CNTN5: variants seen among roughly 807,000 people sequenced by gnomAD.
The protein encoded by CNTN5 is contactin 5.
CNTN5 carries 77 observed loss-of-function variants against 129.1 expected under a neutral mutation model. The ratio of observed to expected loss-of-function variants is 0.60; its 90% CI spans 0.50 to 0.72. The LOEUF is 0.72. CNTN5 is among the 30% of genes least tolerant of loss of function. The pLI is 0.00. For missense variants in CNTN5, 1,478 were observed against 1,328.8 expected, an observed-to-expected ratio of 1.11 and a Z score of -1.75; for synonymous variants, 509 against 465.6, an observed-to-expected ratio of 1.09 and a Z score of -1.20.
At chr11:99,842,843 T>C (rs887266740) in intron 4 of CNTN5, among the ~76,000 whole-genome samples, 1 of 152,214 alleles carries the variant, frequency 6.6e-6, no homozygotes, top group African/African-American at 2.4e-5. Context: ...TTCTTTTCCT[T>C]ATTGAATAAA....
At chr11:99,912,488 T>A (rs1278423476) in intron 6 of CNTN5, among the ~76,000 whole-genome samples, 2 of 151,958 alleles carry the variant, frequency 1.3e-5, no homozygotes, top group African/African-American at 2.4e-5. Flanking sequence ...CCTAACACAG[T>A]TTTTAATATA....
intron 1 of CNTN5, among the ~76,000 whole-genome samples, chr11:99,162,448 A>G (rs1267452491): frequency 1.3e-5 from 2 of 152,140 alleles, no homozygotes; most frequent in Non-Finnish European, 2.9e-5. Flanking sequence ...CTGACGGGAA[A>G]ATTCTGGGTC....
At position 99,956,997 on chromosome 11, in the gene CNTN5, C is replaced by T. The variant is rs201012221; in HGVS notation, c.865C>T (p.Leu289=). ...RVLSPPTPLT[L]RNDGVMGEYE... is the part of the protein sequence containing the mutation. ...CCTTAGTCCTCCAACGCCACTCACTCTGCGTAATGATGGTAAGTTGCTTGG... is the reference window on the plus strand; with the variant it reads ...CCTTAGTCCTCCAACGCCACTCACTTTGCGTAATGATGGTAAGTTGCTTGG... The change falls in exon 8 of 25, where the codon CTG becomes TTG. Residue 289 remains leucine, a synonymous_variant. Coordinates refer to ENST00000524871, the MANE Select transcript of CNTN5 (RefSeq NM_014361.4). 2.0e-5 allele frequency: 32 copies of T among 1,613,326 alleles called. No individual in the cohort carries two copies. Among genetic ancestry groups the T allele is most frequent in the Non-Finnish European group, 2.2e-5 (26 of 1,179,644 alleles).
chr11:99,903,636 C>A (rs1466117907), intron 6 of CNTN5, among the ~76,000 whole-genome samples: 1 of 152,170 alleles, frequency 6.6e-6, no homozygotes, highest in East Asian at 1.9e-4. Flanking sequence ...AGAAACATAG[C>A]AGAGGGAAAT....
At chr11:99,361,587 T>C (rs1374026424) in intron 2 of CNTN5, among the ~76,000 whole-genome samples, 2 of 152,156 alleles carry the variant, frequency 1.3e-5, no homozygotes, top group African/African-American at 4.8e-5. Context: ...CCACATCTTT[T>C]CAGACTTTTT....
chr11:99,422,939 A>G (rs11219851), intron 2 of CNTN5, among the ~76,000 whole-genome samples: 5,436 of 152,178 alleles, frequency 0.036, 318 homozygotes, highest in African/African-American at 0.12. Context: ...ATCTTCTCCT[A>G]ACCCAGAAAT....
chr11:99,361,850 T>C (rs1476722661), intron 2 of CNTN5, among the ~76,000 whole-genome samples: 1 of 152,120 alleles, frequency 6.6e-6, no homozygotes, highest in East Asian at 1.9e-4. Context: ...TAATATTCCA[T>C]TGTATGTATA....
intron 3 of CNTN5, among the ~76,000 whole-genome samples, chr11:99,753,247 C>T (rs1330097323): frequency 6.6e-6 from 1 of 150,964 alleles, no homozygotes; most frequent in East Asian, 2.0e-4. Flanking sequence ...CTCAGCCTCC[C>T]GAGTAGCTGG....
intron 9 of CNTN5, among the ~76,000 whole-genome samples, chr11:100,026,538 C>T (rs1010778622): frequency 6.6e-6 from 1 of 152,136 alleles, no homozygotes; most frequent in African/African-American, 2.4e-5. Flanking sequence ...CTATTCCTTG[C>T]CAGCATTTGG....
intron 2 of CNTN5, among the ~76,000 whole-genome samples, chr11:99,428,559 C>CAAAA (rs60754666): frequency 1.7e-5 from 1 of 57,318 alleles, no homozygotes; most frequent in Admixed American, 1.7e-4. Context: ...GACCCTGTCT[C>CAAAA]AAAAAAAAAA....
Position 99,308,579 on chromosome 11 carries a change from C to A in CNTN5, c.-209-16767C>A, listed in dbSNP as rs1337080750. 1.3e-5 allele frequency among the ~76,000 whole-genome samples: 2 copies of A among 151,958 alleles called. 1 individual carries two copies. The highest frequency in any genetic ancestry group is 4.1e-4 in the South Asian group (2 of 4,826). ...AACTGGAAAAGAAAATATTAAAATA[C>A]CAAGAGAAAACATACTAAGAACACA... On this transcript the variant is annotated intron_variant, in intron 1 of 24. Coordinates refer to ENST00000524871, the MANE Select transcript of CNTN5 (RefSeq NM_014361.4).
rs1565258700 is a variant in CNTN5 at position 99,523,663 on chromosome 11, T to TAGAATAA, written c.-70-32482_-70-32481insAGAATAA. Reference sequence around the variant, plus strand: ...ATAGAATAGAATAGAACAGAACAGATCAGAACAGAACAGAACAGAACAGAA... The same window carrying TAGAATAA: ...ATAGAATAGAATAGAACAGAACAGATAGAATAACAGAACAGAACAGAACAGAACAGAA... On this transcript the variant is annotated intron_variant, in intron 2 of 24. Coordinates refer to ENST00000524871, the MANE Select transcript of CNTN5 (RefSeq NM_014361.4). Among the ~76,000 whole-genome samples, 54 of 132,772 alleles carry TAGAATAA rather than the reference T, an allele frequency of 4.1e-4. 1 individual carries two copies. Among genetic ancestry groups the TAGAATAA allele is most frequent in the African/African-American group, 1.4e-3 (51 of 35,532 alleles). 87.1% of individuals were successfully genotyped at this position (132,772 alleles called of 152,430 possible). A position where few individuals can be genotyped will look rare whatever the true frequency, so the allele number is the denominator to read the frequency against.
At chr11:100,183,866 A>C (rs1008339271) in intron 13 of CNTN5, among the ~76,000 whole-genome samples, 5 of 152,166 alleles carry the variant, frequency 3.3e-5, no homozygotes, top group African/African-American at 1.2e-4. Flanking sequence ...ACTATGTTCT[A>C]CAGGGTCTCC....
intron 3 of CNTN5, among the ~76,000 whole-genome samples, chr11:99,663,229 G>C (rs1464493831): frequency 6.6e-6 from 1 of 152,208 alleles, no homozygotes; most frequent in African/African-American, 2.4e-5. Context: ...AGCACTTTGG[G>C]AGGCCGAGGG....
chr11:99,212,475 C>G (rs189313820), intron 1 of CNTN5, among the ~76,000 whole-genome samples: 27 of 152,262 alleles, frequency 1.8e-4, no homozygotes, highest in Admixed American at 5.2e-4. Flanking sequence ...TGCTTCTGAG[C>G]ATCATGCGGT....
At chr11:99,142,045 T>C (rs1353015314) in intron 1 of CNTN5, among the ~76,000 whole-genome samples, 2 of 152,170 alleles carry the variant, frequency 1.3e-5, no homozygotes, top group Non-Finnish European at 2.9e-5. Flanking sequence ...TTGGGTTCCG[T>C]TGACTGGCTT....
intron 1 of CNTN5, among the ~76,000 whole-genome samples, chr11:99,039,928 C>G (rs961978455): frequency 6.6e-5 from 10 of 152,064 alleles, no homozygotes; most frequent in Non-Finnish European, 1.3e-4. Context: ...AGAAAAAACT[C>G]AAACTTTCTA....
intron 9 of CNTN5, among the ~76,000 whole-genome samples, chr11:100,056,412 C>A (rs1943225229): frequency 6.7e-6 from 1 of 148,536 alleles, no homozygotes. Flanking sequence ...TAGATTAAAA[C>A]AAAGTGACAT....
At chr11:99,472,966 CCTCT>C (rs1346954818) in intron 2 of CNTN5, among the ~76,000 whole-genome samples, 1 of 152,036 alleles carries the variant, frequency 6.6e-6, no homozygotes, top group Admixed American at 6.6e-5. Context: ...CATTTTGTTC[CCTCT>C]CTGACAGCGA....
Sources: gnomAD v4.1 joint callset for allele counts (sites outside exome capture counted in the v4.1 genomes callset) on GRCh38, gnomAD v4.1.1 for gene constraint, MANE v1.5 for transcripts, NCBI Gene and HGNC (gene_info 2026-07-23, HGNC 2026-07-21) for gene names.